Variants in ITCH observed in about 807,000 individuals in gnomAD.
ITCH encodes E3 ubiquitin-protein ligase Itchy homolog.
ITCH carries 28 observed loss-of-function variants against 126.8 expected under a neutral mutation model. That is an observed-to-expected ratio of 0.22 (90% CI 0.16 to 0.30). The LOEUF is 0.30. ITCH is among the 10% of genes least tolerant of loss of function. The probability of loss-of-function intolerance (pLI) is 1.00; values close to 1 mark genes in which losing one functional copy is unlikely to be tolerated. For synonymous variants in ITCH, 342 were observed against 340.0 expected (o/e 1.01, Z -0.06); for missense variants, 631 against 1,032.4 (o/e 0.61, Z 5.33).
chr20:34,422,520 A>G (rs1451210788), intron 6 of ITCH, among the ~76,000 whole-genome samples: 2 of 152,124 alleles, frequency 1.3e-5, no homozygotes, highest in African/African-American at 4.8e-5. Flanking sequence ...ATATTAAAAC[A>G]TTCTTAAACT....
intron 16 of ITCH, among the ~76,000 whole-genome samples, chr20:34,474,967 C>T (rs1988025533): frequency 6.6e-6 from 1 of 151,998 alleles, no homozygotes; most frequent in Non-Finnish European, 1.5e-5. Context: ...ATGCTCCTCA[C>T]CTCCCAGACG....
rs145826479 is a variant in ITCH at position 34,491,805 on chromosome 20, T to C, written c.2320-696T>C. ...AGAATTGTATGAAATAAAAACCACA[T>C]AATTCTAGCTATGTGTAGCTATACC... On this transcript the variant is annotated intron_variant, in intron 22 of 24. Transcript: ENST00000374864. Among the ~76,000 whole-genome samples, 7 of 152,336 alleles carry C rather than the reference T, an allele frequency of 4.6e-5. No individual in the cohort carries two copies. The East Asian group carries it at 1.3e-3, about 29-fold the overall frequency.
At chr20:34,402,590 T>C (rs776973334) in intron 3 of ITCH, 20 of 677,668 alleles carry the variant, frequency 3.0e-5, no homozygotes, top group Non-Finnish European at 5.0e-5. Flanking sequence ...GTCATAATTG[T>C]TATTGCATAG....
chr20:34,481,783 C>G (rs1988771755), intron 20 of ITCH, among the ~76,000 whole-genome samples: 1 of 152,162 alleles, frequency 6.6e-6, no homozygotes. Context: ...AAGGCCAAGG[C>G]AGGCAGATCA....
intron 12 of ITCH, chr20:34,454,369 C>A (rs571122316): frequency 1.3e-5 from 2 of 152,056 alleles, no homozygotes; most frequent in South Asian, 4.2e-4. Context: ...GATCTCCTGA[C>A]CTCGTGATCC....
chr20:34,372,261 C>T (rs1450164119), intron 2 of ITCH, among the ~76,000 whole-genome samples: 4 of 143,822 alleles, frequency 2.8e-5, no homozygotes, highest in Non-Finnish European at 6.0e-5. Context: ...GCCGAGTTCA[C>T]GCCACTGCAC....
chr20:34,433,622 A>T (rs1198957813), intron 7 of ITCH, among the ~76,000 whole-genome samples: 1 of 148,088 alleles, frequency 6.8e-6, no homozygotes, highest in Non-Finnish European at 1.5e-5. Context: ...GTGCCTATGC[A>T]CTCCAGCCTG....
intron 1 of ITCH, among the ~76,000 whole-genome samples, chr20:34,365,580 AT>A (rs760137662): frequency 6.6e-6 from 1 of 151,830 alleles, no homozygotes; most frequent in South Asian, 2.1e-4. Flanking sequence ...ACTCCCGGTA[AT>A]TTTTTTGTAT....
chr20:34,385,863 G>GTA (rs1220851853), intron 2 of ITCH, among the ~76,000 whole-genome samples: 1 of 152,202 alleles, frequency 6.6e-6, no homozygotes, highest in African/African-American at 2.4e-5. Context: ...CTGTTACATG[G>GTA]TAGAGAATGG....
intron 16 of ITCH, among the ~76,000 whole-genome samples, chr20:34,474,706 G>A (rs1389912018): frequency 2.0e-5 from 3 of 152,126 alleles, no homozygotes; most frequent in Non-Finnish European, 2.9e-5. Flanking sequence ...GTGGTGGCCT[G>A]GCAGAGGGGC....
At chr20:34,422,470 T>A (rs1271391724) in intron 6 of ITCH, among the ~76,000 whole-genome samples, 1 of 152,232 alleles carries the variant, frequency 6.6e-6, no homozygotes, top group African/African-American at 2.4e-5. Flanking sequence ...CTGATTTCAT[T>A]TATGTCCCAT....
intron 10 of ITCH, among the ~76,000 whole-genome samples, chr20:34,444,605 AAGTT>A (rs943234362): frequency 2.6e-5 from 4 of 151,544 alleles, no homozygotes; most frequent in African/African-American, 9.7e-5. Context: ...AAAAGATAGG[AAGTT>A]AGTTGTGTTC....
chr20:34,507,288 T>G (rs4911155), intron 24 of ITCH, among the ~76,000 whole-genome samples: 5,264 of 80,578 alleles, frequency 0.065, 211 homozygotes, highest in African/African-American at 0.13. Context: ...TTTTTTTTTT[T>G]TGGTTGTTGT....
intron 10 of ITCH, among the ~76,000 whole-genome samples, chr20:34,444,451 C>T (rs899954125): frequency 5.9e-5 from 9 of 152,012 alleles, no homozygotes; most frequent in Admixed American, 1.3e-4. Context: ...AGTGTGATGA[C>T]GCATGCCTGT....
At chr20:34,410,390 A>G (rs1978838941) in intron 4 of ITCH, among the ~76,000 whole-genome samples, 2 of 152,080 alleles carry the variant, frequency 1.3e-5, no homozygotes, top group Non-Finnish European at 2.9e-5. Context: ...GAGAGAAAAA[A>G]AAAAAAGAAT....
At chr20:34,422,154 TATAA>T (rs1339414158) in intron 6 of ITCH, among the ~76,000 whole-genome samples, 1 of 152,154 alleles carries the variant, frequency 6.6e-6, no homozygotes, top group Non-Finnish European at 1.5e-5. Flanking sequence ...GTTTAATTCT[TATAA>T]ATACTCTATG....
chr20:34,363,694 C>T (rs1272939556), intron 1 of ITCH, among the ~76,000 whole-genome samples: 9 of 152,040 alleles, frequency 5.9e-5, no homozygotes, highest in South Asian at 2.1e-4. Context: ...CCTGGGGCCA[C>T]TCTCCAGCGG....
intron 3 of ITCH, among the ~76,000 whole-genome samples, chr20:34,395,909 G>C (rs951887974): frequency 6.6e-6 from 1 of 151,886 alleles, no homozygotes; most frequent in African/African-American, 2.4e-5. Context: ...AAACATTTGT[G>C]TACAAGTTTT....
At chr20:34,405,584 C>G (rs35937789) in intron 3 of ITCH, among the ~76,000 whole-genome samples, 5,445 of 152,018 alleles carry the variant, frequency 0.036, 117 homozygotes, top group Non-Finnish European at 0.052. Flanking sequence ...TTGCGTTGCT[C>G]TTTGTTCTAG....
Sources: gnomAD v4.1 joint callset for allele counts (sites outside exome capture counted in the v4.1 genomes callset) on GRCh38, gnomAD v4.1.1 for gene constraint, MANE v1.5 for transcripts, NCBI Gene and HGNC (gene_info 2026-07-23, HGNC 2026-07-21) for gene names.